Variants in GJA1 observed in about 807,000 individuals in gnomAD.
GJA1 encodes gap junction alpha-1 protein.
A neutral mutation model predicts 31.0 loss-of-function variants in GJA1; 9 were observed. That is an observed-to-expected ratio of 0.29 (90% CI 0.17 to 0.51). The LOEUF (loss-of-function observed/expected upper bound fraction) is 0.51, where lower values mean the gene tolerates loss of function less well. Among genes scored for constraint, GJA1 ranks in the 20% least tolerant of loss-of-function variants. The pLI is 0.98. For missense variants in GJA1, 278 were observed against 468.8 expected (o/e 0.59, Z 3.76); for synonymous variants, 186 against 180.1 (o/e 1.03, Z -0.26).
chr6:121,447,377 A>G lies in GJA1; in HGVS notation c.530A>G (p.Tyr177Cys), dbSNP rs2114283727. 1.9e-6 allele frequency: 3 copies of G among 1,613,956 alleles called. No individual in the cohort carries two copies. The highest frequency in any genetic ancestry group is 2.2e-5 in the East Asian group (1 of 44,876). ...TTCTTGCTGATCCAGTGGTACATCT[A>G]TGGATTCAGCTTGAGTGCTGTTTAC... The part of the protein sequence containing the change: ...VAFLLIQWYI[Y>C]GFSLSAVYTC... The change falls in exon 2 of 2, where the codon TAT (tyrosine) becomes TGT (cysteine). Residue 177 changes from tyrosine to cysteine, a missense_variant. By Grantham distance (194) the Tyr-to-Cys change is radical (BLOSUM62 -2). Coordinates refer to ENST00000282561, the MANE Select transcript of GJA1 (RefSeq NM_000165.5).
chr6:121,439,879 T>G (rs900198480), intron 1 of GJA1, among the ~76,000 whole-genome samples: 6 of 152,198 alleles, frequency 3.9e-5, no homozygotes, highest in Admixed American at 1.3e-4. Flanking sequence ...ACACTATAGT[T>G]AGGCCATCTA....
chr6:121,440,644 ACT>A (rs1773757304), intron 1 of GJA1, among the ~76,000 whole-genome samples: 1 of 144,864 alleles, frequency 6.9e-6, no homozygotes, highest in African/African-American at 2.9e-5. Context: ...AAAAAAACAA[ACT>A]TTTTTTTTTT....
intron 1 of GJA1, among the ~76,000 whole-genome samples, chr6:121,442,238 T>C (rs906069706): frequency 2.6e-5 from 4 of 152,184 alleles, no homozygotes; most frequent in Non-Finnish European, 5.9e-5. Flanking sequence ...TTGAGAAAAA[T>C]ATTTAAAGTC....
intron 1 of GJA1, among the ~76,000 whole-genome samples, chr6:121,438,231 G>A (rs1310953979): frequency 6.6e-6 from 1 of 152,186 alleles, no homozygotes; most frequent in African/African-American, 2.4e-5. Context: ...CAGTGTTAGT[G>A]CTTTGCTCCT....
rs1249264883 is a variant in GJA1, at chr6:121,449,451, ACTATATGTTGAAGACAT to A, written c.*1459_*1475del. The A allele has an allele frequency of 6.0e-6, 1 of 167,116 alleles. No individual in the cohort carries two copies. Among genetic ancestry groups the A allele is most frequent in the East Asian group, 1.9e-4 (1 of 5,198 alleles). The allele number at this position is 167,116 out of a possible 1,614,324, so 10.4% of individuals were successfully genotyped here. On this transcript the variant is annotated 3_prime_UTR_variant, in exon 2 of 2. Transcript: ENST00000282561. ...GTACACATACAACTAATTTATTTGA[ACTATATGTTGAAGACAT>A]CTACCAGTTTCTCCAAATGCCTTTT...
At chr6:121,441,106 C>A (rs1219872039) in intron 1 of GJA1, among the ~76,000 whole-genome samples, 2 of 152,150 alleles carry the variant, frequency 1.3e-5, no homozygotes, top group African/African-American at 4.8e-5. Flanking sequence ...CCACGCCCGG[C>A]TAATTTTTTT....
intron 1 of GJA1, among the ~76,000 whole-genome samples, chr6:121,443,563 T>A (rs900464114): frequency 6.6e-6 from 1 of 152,198 alleles, no homozygotes; most frequent in Non-Finnish European, 1.5e-5. Context: ...TTTTGTAGAA[T>A]CTCAAAATTA....
chr6:121,440,581 A>T (rs1416320632), intron 1 of GJA1, among the ~76,000 whole-genome samples: 1 of 151,966 alleles, frequency 6.6e-6, no homozygotes, highest in East Asian at 1.9e-4. Flanking sequence ...AATTAATTTG[A>T]AACTTTAGAA....
Position 121,448,616 on chromosome 6 carries a change from ATGCATT to A in GJA1, c.*625_*630del, listed in dbSNP as rs1773931217. On this transcript the variant is annotated 3_prime_UTR_variant, in exon 2 of 2. Transcript: ENST00000282561. ...CAAGGCCCACAGAATAAGATTTTCC[ATGCATT>A]TGCAAATACGTATATTCTTTTTCCA... 2 of 169,364 alleles carry A rather than the reference ATGCATT, an allele frequency of 1.2e-5. No homozygotes were observed. The highest frequency in any genetic ancestry group is 4.0e-4 in the South Asian group (2 of 5,038). 10.5% of individuals were successfully genotyped at this position (169,364 alleles called of 1,614,324 possible).
chr6:121,443,203 G>C (rs1300395246), intron 1 of GJA1, among the ~76,000 whole-genome samples: 1 of 152,098 alleles, frequency 6.6e-6, no homozygotes, highest in African/African-American at 2.4e-5. Flanking sequence ...GTGCAGCAGG[G>C]AGGAACAACC....
At chr6:121,438,911 C>CT (rs3840371) in intron 1 of GJA1, among the ~76,000 whole-genome samples, 36 of 151,024 alleles carry the variant, frequency 2.4e-4, no homozygotes, top group African/African-American at 6.6e-4. Flanking sequence ...GTGGTTAGCT[C>CT]TTTTTTTTTA....
chr6:121,444,797 T>C (rs897921597), intron 1 of GJA1, among the ~76,000 whole-genome samples: 1 of 152,240 alleles, frequency 6.6e-6, no homozygotes, highest in African/African-American at 2.4e-5. Flanking sequence ...TAATTTGTCC[T>C]TTTCTAAATC....
chr6:121,441,420 A>C (rs966070646), intron 1 of GJA1, among the ~76,000 whole-genome samples: 1 of 152,182 alleles, frequency 6.6e-6, no homozygotes, highest in Admixed American at 6.5e-5. Context: ...CAGTGAACAA[A>C]GCAAACTCCC....
intron 1 of GJA1, among the ~76,000 whole-genome samples, chr6:121,439,199 G>C (rs865903134): frequency 2.0e-5 from 3 of 152,178 alleles, no homozygotes; most frequent in African/African-American, 7.2e-5. Flanking sequence ...TTTTGCTAAA[G>C]AAAAGATGAA....
chr6:121,445,746 A>G (rs1773876659), intron 1 of GJA1, among the ~76,000 whole-genome samples: 1 of 152,186 alleles, frequency 6.6e-6, no homozygotes, highest in Admixed American at 6.5e-5. Context: ...TACTACATAT[A>G]ATGACACATT....
intron 1 of GJA1, among the ~76,000 whole-genome samples, chr6:121,437,392 C>A (rs1482822906): frequency 6.7e-6 from 1 of 148,240 alleles, no homozygotes; most frequent in Non-Finnish European, 1.5e-5. Flanking sequence ...CTTAAACTTG[C>A]TGAATCCCAC....
At chr6:121,437,649 C>T (rs556909640) in intron 1 of GJA1, among the ~76,000 whole-genome samples, 11 of 152,232 alleles carry the variant, frequency 7.2e-5, no homozygotes, top group African/African-American at 2.6e-4. Context: ...CCCAGCCAGC[C>T]TTTGCTGGGG....
intron 1 of GJA1, among the ~76,000 whole-genome samples, chr6:121,443,147 C>G (rs1344254828): frequency 2.6e-5 from 4 of 152,040 alleles, no homozygotes; most frequent in Non-Finnish European, 4.4e-5. Flanking sequence ...TATTAACTTA[C>G]CATACAAGAC....
chr6:121,446,339 A>G (rs540092390), intron 1 of GJA1, among the ~76,000 whole-genome samples: 29 of 152,334 alleles, frequency 1.9e-4, no homozygotes, highest in Admixed American at 1.6e-3. Context: ...AAAATGATAT[A>G]TAATAGCATT....
Sources: allele counts gnomAD v4.1 joint callset (sites outside exome capture counted in the v4.1 genomes callset), GRCh38; gene constraint gnomAD v4.1.1; transcripts MANE v1.5; gene names NCBI Gene and HGNC (gene_info 2026-07-23, HGNC 2026-07-21).